Variants in MAP4 observed in about 807,000 individuals in gnomAD.
MAP4 encodes microtubule-associated protein 4.
MAP4 carries 76 observed loss-of-function variants against 170.2 expected under a neutral mutation model. That is an observed-to-expected ratio of 0.45 (90% CI 0.37 to 0.54). The LOEUF (loss-of-function observed/expected upper bound fraction) is 0.54, where lower values mean the gene tolerates loss of function less well. MAP4 is among the 20% of genes least tolerant of loss of function. The pLI is 0.00. For synonymous variants in MAP4, 909 were observed against 994.5 expected (o/e 0.91, Z 1.62); for missense variants, 2,506 against 2,748.0 (o/e 0.91, Z 1.97).
At chr3:48,042,891 T>C (rs377562901) in intron 1 of MAP4, among the ~76,000 whole-genome samples, 24 of 152,292 alleles carry the variant, frequency 1.6e-4, no homozygotes, top group African/African-American at 5.5e-4. Context: ...GACCACCTAC[T>C]ATATTAATCT....
At chr3:47,938,208 C>T (rs2100054161) in intron 3 of MAP4, among the ~76,000 whole-genome samples, 1 of 151,684 alleles carries the variant, frequency 6.6e-6, no homozygotes, top group East Asian at 2.0e-4. Context: ...GCTGTCTCTA[C>T]TAAAAATACA....
chr3:47,965,076 T>G (rs2154190998), intron 3 of MAP4, among the ~76,000 whole-genome samples: 1 of 152,308 alleles, frequency 6.6e-6, no homozygotes, highest in Non-Finnish European at 1.5e-5. Flanking sequence ...TTTGACTACT[T>G]AAGGTAATTT....
intron 3 of MAP4, among the ~76,000 whole-genome samples, chr3:47,947,298 T>C (rs2100060674): frequency 6.6e-6 from 1 of 152,178 alleles, no homozygotes; most frequent in South Asian, 2.1e-4. Context: ...CACTCCCTTT[T>C]TACCCCTTCC....
At chr3:47,960,072 C>T (rs536523849) in intron 3 of MAP4, among the ~76,000 whole-genome samples, 2 of 152,052 alleles carry the variant, frequency 1.3e-5, no homozygotes, top group Admixed American at 1.3e-4. Context: ...TCATGTTGGC[C>T]GGGCTGGTCT....
intron 1 of MAP4, among the ~76,000 whole-genome samples, chr3:48,026,843 C>G (rs1304066750): frequency 6.6e-6 from 1 of 152,168 alleles, no homozygotes; most frequent in Non-Finnish European, 1.5e-5. Flanking sequence ...TTAAAATGTT[C>G]TCCATAACTA....
intron 1 of MAP4, among the ~76,000 whole-genome samples, chr3:48,007,713 G>A (rs914121248): frequency 6.8e-6 from 1 of 146,460 alleles, no homozygotes; most frequent in Admixed American, 6.8e-5. Context: ...TCACTCTGTT[G>A]CCAAACTGGA....
intron 1 of MAP4, among the ~76,000 whole-genome samples, chr3:48,055,325 C>T (rs1579619219): frequency 6.6e-6 from 1 of 152,206 alleles, no homozygotes; most frequent in African/African-American, 2.4e-5. Context: ...CCTGATTCTC[C>T]TGCCTCAGTC....
intron 2 of MAP4, among the ~76,000 whole-genome samples, chr3:47,979,174 G>A (rs974362189): frequency 3.3e-5 from 5 of 151,872 alleles, no homozygotes; most frequent in African/African-American, 1.2e-4. Flanking sequence ...GTGTAATGAT[G>A]TGGGTCTAAG....
chr3:47,860,603 A>G (rs950101401), intron 17 of MAP4, among the ~76,000 whole-genome samples: 1 of 152,164 alleles, frequency 6.6e-6, no homozygotes, highest in Non-Finnish European at 1.5e-5. Flanking sequence ...CACATTATGG[A>G]TGTATTCCAG....
intron 19 of MAP4, among the ~76,000 whole-genome samples, chr3:47,853,762 GCA>G (rs2049093670): frequency 1.3e-5 from 2 of 151,860 alleles, no homozygotes; most frequent in South Asian, 4.2e-4. Context: ...GCCACCCCCT[GCA>G]CACAGAGTGG....
At chr3:48,083,435 G>C (rs905831359) in intron 1 of MAP4, among the ~76,000 whole-genome samples, 2 of 152,012 alleles carry the variant, frequency 1.3e-5, no homozygotes, top group African/African-American at 4.8e-5. Flanking sequence ...GTGCAGTCTC[G>C]GCTCACTGCA....
In MAP4 at chr3:47,855,236, C is replaced by T. The variant is rs1195369696; in HGVS notation, c.6696+12G>A. 2 of 1,599,134 alleles carry T rather than the reference C, an allele frequency of 1.3e-6. No homozygotes were observed. Among genetic ancestry groups the T allele is most frequent in the East Asian group, 2.2e-5 (1 of 44,804 alleles). ...CTCCCCAGCTGTGTCTCCCCAGTGACCCACTCGCTACCTTCACAGCACCTC... is the reference window on the plus strand; with the variant it reads ...CTCCCCAGCTGTGTCTCCCCAGTGATCCACTCGCTACCTTCACAGCACCTC... On this transcript the variant is annotated intron_variant, in intron 19 of 20. Coordinates refer to ENST00000683076, the MANE Select transcript of MAP4 (RefSeq NM_001385682.1). The surrounding 1 kb of genome is among the most constrained non-coding windows in gnomAD (Gnocchi z 5.1).
At chr3:48,059,277 G>T (rs1024687018) in intron 1 of MAP4, among the ~76,000 whole-genome samples, 3 of 151,846 alleles carry the variant, frequency 2.0e-5, no homozygotes, top group African/African-American at 7.3e-5. Context: ...CACTTTGGGA[G>T]GCCAAGGTGG....
intron 2 of MAP4, among the ~76,000 whole-genome samples, chr3:47,984,164 A>T (rs929491566): frequency 6.1e-5 from 9 of 147,920 alleles, no homozygotes; most frequent in Admixed American, 2.0e-4. Context: ...TTAATTTTTT[A>T]TTTTTTTTTT....
At chr3:47,974,453 C>A (rs776624571) in intron 3 of MAP4, 56 of 983,684 alleles carry the variant, frequency 5.7e-5, no homozygotes, top group Non-Finnish European at 6.6e-5. Flanking sequence ...ATCTCAAAAT[C>A]TTTCTCAGAA....
intron 1 of MAP4, among the ~76,000 whole-genome samples, chr3:48,004,126 C>T (rs553094621): frequency 6.6e-6 from 1 of 152,174 alleles, no homozygotes; most frequent in African/African-American, 2.4e-5. Context: ...AACTCTGACC[C>T]CAGACTAACA....
intron 10 of MAP4, among the ~76,000 whole-genome samples, chr3:47,900,612 T>G (rs1270971909): frequency 2.6e-5 from 4 of 152,084 alleles, no homozygotes; most frequent in African/African-American, 9.7e-5. Context: ...GGTGTGCACC[T>G]GTAGTCCCAG....
At chr3:47,947,850 C>CA (rs1280901952) in intron 3 of MAP4, among the ~76,000 whole-genome samples, 1 of 148,428 alleles carries the variant, frequency 6.7e-6, no homozygotes, top group Non-Finnish European at 1.5e-5. Flanking sequence ...GAAAAGAAAA[C>CA]AAAAATCTCT....
chr3:48,025,941 A>ATAATAAC (rs2100112912), intron 1 of MAP4, among the ~76,000 whole-genome samples: 2 of 148,800 alleles, frequency 1.3e-5, no homozygotes, highest in Non-Finnish European at 3.0e-5. Context: ...AATAATAACA[A>ATAATAAC]TAATAATAAT....
Sources: allele counts gnomAD v4.1 joint callset (sites outside exome capture counted in the v4.1 genomes callset), GRCh38; gene constraint gnomAD v4.1.1; non-coding constraint Gnocchi (gnomAD v3.1); transcripts MANE v1.5; gene names NCBI Gene and HGNC (gene_info 2026-07-23, HGNC 2026-07-21).